The following MAST4 variants were observed in gnomAD, a reference collection of about 807,000 sequenced individuals.
MAST4 encodes the protein microtubule-associated serine/threonine-protein kinase 4.
MAST4 carries 89 observed loss-of-function variants against 162.7 expected under a neutral mutation model. That is an observed-to-expected ratio of 0.55 (90% CI 0.46 to 0.65). The LOEUF (loss-of-function observed/expected upper bound fraction) is 0.65, where lower values mean the gene tolerates loss of function less well. Among genes scored for constraint, MAST4 ranks in the 30% least tolerant of loss-of-function variants. MAST4 has a pLI of 0.00. For missense variants in MAST4, 3,153 were observed against 3,374.0 expected, an observed-to-expected ratio of 0.93 and a Z score of 1.62; for synonymous variants, 1,479 against 1,361.1, an observed-to-expected ratio of 1.09 and a Z score of -1.91.
intron 5 of MAST4, among the ~76,000 whole-genome samples, chr5:67,076,485 TTC>T (rs1294243372): frequency 2.0e-5 from 3 of 152,156 alleles, no homozygotes; most frequent in Non-Finnish European, 4.4e-5. Context: ...TTTCTCCAAT[TTC>T]TGTTTATTCT....
At chr5:66,764,323 T>C (rs1019198859) in intron 2 of MAST4, among the ~76,000 whole-genome samples, 1 of 152,204 alleles carries the variant, frequency 6.6e-6, no homozygotes, top group Admixed American at 6.5e-5. Flanking sequence ...AGTTCTCCTG[T>C]ACAGGCACAT....
intron 3 of MAST4, among the ~76,000 whole-genome samples, chr5:66,819,396 G>A (rs1300570745): frequency 6.6e-6 from 1 of 152,210 alleles, no homozygotes; most frequent in Non-Finnish European, 1.5e-5. Context: ...GAAGCTTGTG[G>A]TCAAAATCTC....
chr5:66,788,536 T>A (rs1755223318), intron 2 of MAST4, 134 bp from the exon 3 acceptor site: 2 of 1,177,564 alleles, frequency 1.7e-6, no homozygotes, highest in Non-Finnish European at 1.2e-6. Flanking sequence ...TTGCTATTAA[T>A]GTTATTACTG....
At chr5:67,027,042 A>T (rs1350094930) in intron 4 of MAST4, among the ~76,000 whole-genome samples, 2 of 152,184 alleles carry the variant, frequency 1.3e-5, no homozygotes, top group Non-Finnish European at 2.9e-5. Context: ...TAAGATTATT[A>T]TCTTCAAGAA....
At chr5:66,668,769 C>T (rs1378903216) in intron 1 of MAST4, among the ~76,000 whole-genome samples, 1 of 152,184 alleles carries the variant, frequency 6.6e-6, no homozygotes, top group Non-Finnish European at 1.5e-5. Flanking sequence ...AGAGAACTGT[C>T]CATGTTTGTG....
At chr5:66,839,315 G>A (rs1156362969) in intron 3 of MAST4, among the ~76,000 whole-genome samples, 1 of 152,160 alleles carries the variant, frequency 6.6e-6, no homozygotes, top group Admixed American at 6.6e-5. Flanking sequence ...AGTTGGATAT[G>A]TAGTTTTAAA....
chr5:67,052,943 T>C (rs1758363617), intron 4 of MAST4, among the ~76,000 whole-genome samples: 1 of 152,198 alleles, frequency 6.6e-6, no homozygotes, highest in Non-Finnish European at 1.5e-5. Context: ...CAGTATCTTT[T>C]AAAACCAATC....
At chr5:67,089,878 G>A (rs974859283) in intron 5 of MAST4, among the ~76,000 whole-genome samples, 4 of 152,134 alleles carry the variant, frequency 2.6e-5, no homozygotes, top group South Asian at 2.1e-4. Flanking sequence ...TGAAATATTT[G>A]TATTGTTATC....
At chr5:66,794,147 A>G (rs1003407084) in intron 3 of MAST4, among the ~76,000 whole-genome samples, 2 of 152,220 alleles carry the variant, frequency 1.3e-5, no homozygotes, top group Non-Finnish European at 2.9e-5. Context: ...CTAAGAAGCT[A>G]TTCTTCAAGC....
chr5:66,987,375 GGCCTGGAT>G (rs1749636646), intron 4 of MAST4, among the ~76,000 whole-genome samples: 1 of 152,106 alleles, frequency 6.6e-6, no homozygotes, highest in African/African-American at 2.4e-5. Flanking sequence ...ATGAGCTGGA[GGCCTGGAT>G]GCCTGAAATG....
chr5:66,664,879 G>A (rs1290094353), intron 1 of MAST4, among the ~76,000 whole-genome samples: 1 of 152,174 alleles, frequency 6.6e-6, no homozygotes, highest in Non-Finnish European at 1.5e-5. Context: ...TAGTCAAAAT[G>A]AAGAACTTAA....
At chr5:67,078,671 ATAT>A (rs1419875694) in intron 5 of MAST4, among the ~76,000 whole-genome samples, 2 of 137,562 alleles carry the variant, frequency 1.5e-5, no homozygotes, top group African/African-American at 5.5e-5. Context: ...TTTTATATTT[ATAT>A]TATATTTATT....
chr5:66,878,651 T>TA (rs377287948), intron 3 of MAST4, among the ~76,000 whole-genome samples: 3 of 152,360 alleles, frequency 2.0e-5, no homozygotes, highest in African/African-American at 7.2e-5. Context: ...GCAACCACTA[T>TA]ACCTTCTTTT....
chr5:66,958,320 G>A (rs968367124), intron 4 of MAST4, among the ~76,000 whole-genome samples: 3 of 152,082 alleles, frequency 2.0e-5, no homozygotes, highest in East Asian at 1.9e-4. Flanking sequence ...AGTCAGTTAC[G>A]TTCTTCATAC....
chr5:66,961,493 C>T (rs1331559114), intron 4 of MAST4, among the ~76,000 whole-genome samples: 1 of 152,126 alleles, frequency 6.6e-6, no homozygotes, highest in Non-Finnish European at 1.5e-5. Context: ...TTTCTGATTC[C>T]TGTTTCAGAT....
intron 3 of MAST4, among the ~76,000 whole-genome samples, chr5:66,837,813 T>C (rs551137642): frequency 1.3e-5 from 2 of 148,496 alleles, no homozygotes; most frequent in South Asian, 4.3e-4. Context: ...CTTTAAAATG[T>C]ATGTCAGTGC....
intron 1 of MAST4, among the ~76,000 whole-genome samples, chr5:66,630,324 C>A (rs560219202): frequency 6.6e-6 from 1 of 152,266 alleles, no homozygotes; most frequent in Non-Finnish European, 1.5e-5. Flanking sequence ...TGTTCTGCAG[C>A]ATTATCATGT....
At chr5:66,881,228 T>C (rs1580750599) in intron 3 of MAST4, among the ~76,000 whole-genome samples, 1 of 152,226 alleles carries the variant, frequency 6.6e-6, no homozygotes, top group African/African-American at 2.4e-5. Flanking sequence ...AACATTATAA[T>C]TTATTATCCA....
At chr5:67,031,208 C>T (rs1183125868) in intron 4 of MAST4, among the ~76,000 whole-genome samples, 1 of 152,170 alleles carries the variant, frequency 6.6e-6, no homozygotes, top group Non-Finnish European at 1.5e-5. Context: ...CTCTTTGCTG[C>T]TTTCCTCTGC....
Sources: gnomAD v4.1 joint callset for allele counts (sites outside exome capture counted in the v4.1 genomes callset) on GRCh38, gnomAD v4.1.1 for gene constraint, MANE v1.5 for transcripts, NCBI Gene and HGNC (gene_info 2026-07-23, HGNC 2026-07-21) for gene names.